ANKS1A: variants seen among roughly 807,000 people sequenced by gnomAD.
The protein encoded by ANKS1A is ankyrin repeat and SAM domain-containing protein 1A.
A neutral mutation model predicts 120.3 loss-of-function variants in ANKS1A; 55 were observed. The observed-to-expected ratio is 0.46, with a 90% confidence interval of 0.37 to 0.57. The LOEUF (loss-of-function observed/expected upper bound fraction) is 0.57, where lower values mean the gene tolerates loss of function less well. Among genes scored for constraint, ANKS1A ranks in the 20% least tolerant of loss-of-function variants. The pLI is 0.00. For synonymous variants in ANKS1A, 590 were observed against 604.7 expected (o/e 0.98, Z 0.36); for missense variants, 1,123 against 1,480.3 (o/e 0.76, Z 3.96).
At chr6:35,083,565 G>T (rs1777801212) in intron 20 of ANKS1A, 62 bp downstream of exon 20, 1 of 1,543,908 alleles carries the variant, frequency 6.5e-7, no homozygotes, top group Non-Finnish European at 9.0e-7. Context: ...GACCCACAGG[G>T]CTCCAGGGCA....
At chr6:35,039,493 A>C in intron 11 of ANKS1A, 1 of 442,812 alleles carries the variant, frequency 2.3e-6, no homozygotes, top group South Asian at 1.6e-5. Flanking sequence ...CATCACGCCC[A>C]GTCCATCCTG....
At chr6:35,087,336 G>A (rs534229484) in intron 23 of ANKS1A, among the ~76,000 whole-genome samples, 1 of 152,306 alleles carries the variant, frequency 6.6e-6, no homozygotes, top group East Asian at 1.9e-4. Flanking sequence ...AGGGCTCAGG[G>A]GTTCTGTTGC....
intron 14 of ANKS1A, among the ~76,000 whole-genome samples, chr6:35,079,073 TG>T (rs1332554181): frequency 6.6e-6 from 1 of 152,202 alleles, no homozygotes; most frequent in Non-Finnish European, 1.5e-5. Context: ...CCGTCTTCCC[TG>T]GGGAGCCAGG....
At chr6:34,937,913 A>C (rs549603756) in intron 1 of ANKS1A, among the ~76,000 whole-genome samples, 1 of 152,190 alleles carries the variant, frequency 6.6e-6, no homozygotes, top group Non-Finnish European at 1.5e-5. Flanking sequence ...GGTCTGATTT[A>C]TATCATGGAC....
At chr6:34,975,176 C>T (rs1424072775) in intron 3 of ANKS1A, among the ~76,000 whole-genome samples, 1 of 152,132 alleles carries the variant, frequency 6.6e-6, no homozygotes, top group Non-Finnish European at 1.5e-5. Context: ...AAGCTGAGGC[C>T]AGGTGCTGGA....
chr6:35,009,537 A>G (rs550539226), intron 10 of ANKS1A, among the ~76,000 whole-genome samples: 2 of 152,282 alleles, frequency 1.3e-5, no homozygotes, highest in South Asian at 4.2e-4. Context: ...TGGAAATATG[A>G]GTCTGATGAG....
Position 34,982,066 on chromosome 6 carries a change from C to T in ANKS1A, c.732+80C>T. On this transcript the variant is annotated intron_variant, in intron 4 of 23. Transcript: ENST00000360359. This position sits in a 1 kb window ranked among gnomAD's most constrained non-coding sequence, Gnocchi z 4.9. The stretch of plus-strand genomic sequence containing the variant: ...AAGGCACAAGGACCATGCTGCTGGG[C>T]TGTGCTCTTTATTTAGCACGTTTCA... 6.6e-7 allele frequency: 1 copy of T among 1,514,326 alleles called. No individual in the cohort carries two copies. Among genetic ancestry groups the T allele is most frequent in the Non-Finnish European group, 8.9e-7 (1 of 1,122,318 alleles). The allele number at this position is 1,514,326 out of a possible 1,614,324, so 93.8% of individuals were successfully genotyped here.
chr6:35,078,512 G>A (rs1379520255), intron 13 of ANKS1A, 46 bp from the exon 14 acceptor site: 1 of 1,575,614 alleles, frequency 6.3e-7, no homozygotes, highest in Non-Finnish European at 8.7e-7. Flanking sequence ...AGGGCCACCA[G>A]CCATCCATCC....
chr6:34,916,806 A>G (rs1437616335), intron 1 of ANKS1A, among the ~76,000 whole-genome samples: 2 of 152,228 alleles, frequency 1.3e-5, no homozygotes, highest in Non-Finnish European at 2.9e-5. Context: ...TTGTTGGATT[A>G]CAGAGTTTTG....
intron 3 of ANKS1A, among the ~76,000 whole-genome samples, chr6:34,980,917 A>G (rs1359249101): frequency 6.6e-6 from 1 of 152,198 alleles, no homozygotes; most frequent in Non-Finnish European, 1.5e-5. Context: ...TGATAGCAAT[A>G]TTACATTTGA....
At chr6:35,048,402 G>A (rs1384018907) in intron 11 of ANKS1A, among the ~76,000 whole-genome samples, 3 of 152,094 alleles carry the variant, frequency 2.0e-5, no homozygotes, top group Admixed American at 6.5e-5. Flanking sequence ...ATGTCTGGTC[G>A]CCTCGGCAAG....
At position 35,028,637 on chromosome 6, in the gene ANKS1A, A is replaced by G. The variant is rs6935423; in HGVS notation, c.2010+10578A>G. ...AGAAATATTCTCTGCATGTAGAAGC[A>G]TTTCTGACATGTTAAGCATTTTTCT... On this transcript the variant is annotated intron_variant, in intron 11 of 23. Coordinates refer to ENST00000360359, the MANE Select transcript of ANKS1A (RefSeq NM_015245.3). 7.7e-3 allele frequency among the ~76,000 whole-genome samples: 1,169 copies of G among 152,278 alleles called. 16 individuals are homozygous for G. Among genetic ancestry groups the G allele is most frequent in the African/African-American group, 0.024 (1,009 of 41,552 alleles).
chr6:35,013,953 C>T lies in ANKS1A; in HGVS notation c.1424-3520C>T, dbSNP rs534449486. Among the ~76,000 whole-genome samples the T allele has an allele frequency of 1.1e-3, 171 of 152,284 alleles. 3 individuals are homozygous for T. The South Asian group carries it at 0.031, about 28-fold the overall frequency. On this transcript the variant is annotated intron_variant, in intron 10 of 23. Transcript: ENST00000360359. ...TAACAATTTCAACATCTATTGAGAG[C>T]GTGGCATGTGCTAGACACGGTTCTT...
chr6:34,925,982 C>G (rs1378132682), intron 1 of ANKS1A, among the ~76,000 whole-genome samples: 3 of 152,080 alleles, frequency 2.0e-5, no homozygotes, highest in Non-Finnish European at 4.4e-5. Context: ...TTTAGAGAGT[C>G]TTGAGGAATT....
chr6:34,934,239 C>T (rs937860241), intron 1 of ANKS1A, among the ~76,000 whole-genome samples: 3 of 152,104 alleles, frequency 2.0e-5, no homozygotes, highest in Non-Finnish European at 4.4e-5. Context: ...GCTCCACCTC[C>T]CGGGTTCACG....
At chr6:35,070,024 CAAAA>C (rs10667602) in intron 13 of ANKS1A, among the ~76,000 whole-genome samples, 1 of 95,526 alleles carries the variant, frequency 1.0e-5, no homozygotes, top group Non-Finnish European at 2.0e-5. Context: ...AAGACTCTGT[CAAAA>C]AAAAAAAAAA....
chr6:34,937,164 T>C (rs1278950833), intron 1 of ANKS1A, among the ~76,000 whole-genome samples: 1 of 152,160 alleles, frequency 6.6e-6, no homozygotes, highest in Non-Finnish European at 1.5e-5. Context: ...GGCTTTGGGC[T>C]CTGGAGTCAG....
intron 1 of ANKS1A, among the ~76,000 whole-genome samples, chr6:34,900,451 G>GT (rs112747881): frequency 0.1 from 14,812 of 148,816 alleles, 1,576 homozygotes; most frequent in African/African-American, 0.27. Context: ...AACTCTCTCT[G>GT]TTTTTTTTTT....
intron 1 of ANKS1A, among the ~76,000 whole-genome samples, chr6:34,904,813 CTTTTCTTTGT>C (rs1228808903): frequency 6.6e-5 from 10 of 151,774 alleles, no homozygotes; most frequent in Non-Finnish European, 1.5e-5. Context: ...TCTTTTTTTT[CTTTTCTTTGT>C]TTTTCTTTTG....
Sources: allele counts gnomAD v4.1 joint callset (sites outside exome capture counted in the v4.1 genomes callset), GRCh38; gene constraint gnomAD v4.1.1; non-coding constraint Gnocchi (gnomAD v3.1); transcripts MANE v1.5; gene names NCBI Gene and HGNC (gene_info 2026-07-23, HGNC 2026-07-21).